Variants in LIMK2 observed in about 807,000 individuals in gnomAD.
LIMK2 encodes the protein LIM domain kinase 2.
LIMK2 carries 35 observed loss-of-function variants against 75.7 expected under a neutral mutation model. That is an observed-to-expected ratio of 0.46 (90% CI 0.35 to 0.61). The LOEUF (loss-of-function observed/expected upper bound fraction) is 0.61, where lower values mean the gene tolerates loss of function less well. LIMK2 is among the 20% of genes least tolerant of loss of function. The probability of loss-of-function intolerance (pLI) is 0.00; values close to 1 mark genes in which losing one functional copy is unlikely to be tolerated. For missense variants in LIMK2, 623 were observed against 831.0 expected, an observed-to-expected ratio of 0.75 and a Z score of 3.08; for synonymous variants, 301 against 319.2, an observed-to-expected ratio of 0.94 and a Z score of 0.61.
intron 13 of LIMK2, chr22:31,273,000 G>GT: frequency 8.4e-7 from 1 of 1,185,372 alleles, no homozygotes; most frequent in Non-Finnish European, 1.0e-6. Flanking sequence ...TCTCTCCATG[G>GT]TGAGAACTGA....
chr22:31,228,088 A>G (rs2048495303), intron 2 of LIMK2, among the ~76,000 whole-genome samples: 2 of 152,180 alleles, frequency 1.3e-5, no homozygotes. Context: ...ACACAAATAC[A>G]TAAAGAGGAA....
intron 15 of LIMK2, chr22:31,277,264 C>T (rs1601451795): frequency 6.6e-7 from 1 of 1,523,692 alleles, no homozygotes; most frequent in East Asian, 2.3e-5. Flanking sequence ...CTCCTCGTGC[C>T]CCTGGCCCAG....
At chr22:31,276,596 GAGCCGGCGAGCTAACCTGAGCC>G (rs1218998434) in intron 15 of LIMK2, among the ~76,000 whole-genome samples, 3 of 146,242 alleles carry the variant, frequency 2.1e-5, no homozygotes, top group African/African-American at 7.3e-5. Flanking sequence ...CCTCGCCGCG[GAGCCGGCGAGCTAACCTGAGCC>G]AGCCGGCGGG....
intron 2 of LIMK2, among the ~76,000 whole-genome samples, chr22:31,236,966 A>AAT (rs1194879845): frequency 3.3e-5 from 5 of 150,734 alleles, no homozygotes; most frequent in African/African-American, 1.2e-4. Context: ...AATAAAATAA[A>AAT]AAAATATGGA....
At chr22:31,237,554 CAAA>C (rs1040206766) in intron 2 of LIMK2, among the ~76,000 whole-genome samples, 7 of 103,932 alleles carry the variant, frequency 6.7e-5, no homozygotes, top group Admixed American at 1.0e-4. Context: ...GATTCCGTCT[CAAA>C]AAAAAAAAAA....
At chr22:31,258,816 G>A (rs915017887) in intron 3 of LIMK2, 4 of 413,252 alleles carry the variant, frequency 9.7e-6, no homozygotes, top group African/African-American at 4.0e-5. Context: ...CTGGACAAAC[G>A]ACTTTAAGCA....
chr22:31,238,612 G>A (rs2048599960), intron 2 of LIMK2, among the ~76,000 whole-genome samples: 1 of 152,152 alleles, frequency 6.6e-6, no homozygotes, highest in African/African-American at 2.4e-5. Flanking sequence ...CATCAGCCTT[G>A]AAGAGTTCTC....
At chr22:31,269,647 GC>G (rs2048935063) in intron 11 of LIMK2, among the ~76,000 whole-genome samples, 1 of 151,924 alleles carries the variant, frequency 6.6e-6, no homozygotes, top group Non-Finnish European at 1.5e-5. Context: ...GGTGGTGCAC[GC>G]CTGTAGTCCC....
intron 14 of LIMK2, 119 bp from the exon 15 acceptor site, chr22:31,275,031 AC>A: frequency 1.1e-6 from 1 of 932,714 alleles, no homozygotes; most frequent in Non-Finnish European, 1.7e-6. Flanking sequence ...GAGCTCTCTA[AC>A]CTATTTTACC....
At chr22:31,213,880 A>G (rs1163063602) in intron 1 of LIMK2, among the ~76,000 whole-genome samples, 1 of 150,556 alleles carries the variant, frequency 6.6e-6, no homozygotes, top group African/African-American at 2.4e-5. Context: ...CAGTGGCACA[A>G]TCTTGGCTCA....
At chr22:31,267,110 T>C (rs1165317875) in intron 9 of LIMK2, 40 bp downstream of exon 9, 17 of 1,180,202 alleles carry the variant, frequency 1.4e-5, no homozygotes, top group Non-Finnish European at 2.1e-5. Context: ...GGTGTCACCA[T>C]TGGAAGAGAG....
rs542739799 is a variant in LIMK2, at chr22:31,220,714, G to A, written c.17-5006G>A. 1.6e-4 allele frequency among the ~76,000 whole-genome samples: 24 copies of A among 152,374 alleles called. No individual in the cohort carries two copies. The South Asian group carries it at 4.8e-3, about 30-fold the overall frequency. On this transcript the variant is annotated intron_variant, in intron 1 of 15. Transcript: ENST00000331728. ...GCAGTGGCTCACGCCTGTAATCCCA[G>A]CACTTTGGGAGGCCGAGGTGGGCAG...
intron 2 of LIMK2, among the ~76,000 whole-genome samples, chr22:31,229,357 C>G (rs12484865): frequency 2.0e-5 from 3 of 152,180 alleles, no homozygotes; most frequent in Admixed American, 2.0e-4. Context: ...GACTTTTGCC[C>G]CAGTTGGAGG....
rs77638518 is a variant in LIMK2 at position 31,275,137 on chromosome 22, T to G, written c.1615-14T>G. ...CTGTAGTCCTTTGTAAACAGCTGTC[T>G]TCTTACCCTACAGATCATTGGGCAG... is the stretch of plus-strand genomic sequence containing the variant. On this transcript the variant is annotated splice_polypyrimidine_tract_variant and intron_variant, in intron 14 of 15. Transcript: ENST00000331728. 1,345 of 1,613,984 alleles carry G rather than the reference T, an allele frequency of 8.3e-4. 24 individuals carry two copies. In the East Asian group the frequency reaches 0.021, roughly 25 times the overall value.
chr22:31,231,820 C>T (rs2048531409), intron 2 of LIMK2, among the ~76,000 whole-genome samples: 1 of 152,048 alleles, frequency 6.6e-6, no homozygotes, highest in Admixed American at 6.5e-5. Flanking sequence ...AACCCTGCAA[C>T]CCCCACCTTT....
At chr22:31,258,815 C>T (rs562068369) in intron 3 of LIMK2, 22 of 411,080 alleles carry the variant, frequency 5.4e-5, no homozygotes, top group South Asian at 1.9e-4. Flanking sequence ...TCTGGACAAA[C>T]GACTTTAAGC....
At position 31,278,763 on chromosome 22, in the gene LIMK2, T is replaced by G. The variant is rs910755158; in HGVS notation, c.*322T>G. On this transcript the variant is annotated 3_prime_UTR_variant, in exon 16 of 16. Coordinates refer to ENST00000331728, the MANE Select transcript of LIMK2 (RefSeq NM_005569.4). ...CCAGGAACTCCCTGGCAGTGGATTGTGGGAGGCTCTTGCTTACACTAATCA... is the reference window on the plus strand; with the variant it reads ...CCAGGAACTCCCTGGCAGTGGATTGGGGGAGGCTCTTGCTTACACTAATCA... The G allele has an allele frequency of 4.8e-6, 1 of 207,152 alleles. No individual in the cohort carries two copies. The highest frequency in any genetic ancestry group is 2.3e-5 in the African/African-American group (1 of 43,522). The allele number at this position is 207,152 out of a possible 1,614,324, so 12.8% of individuals were successfully genotyped here. A position where few individuals can be genotyped will look rare whatever the true frequency, so the allele number is the denominator to read the frequency against.
intron 14 of LIMK2, 90 bp downstream of exon 14, chr22:31,273,597 C>T (rs1021978963): frequency 1.0e-6 from 1 of 983,640 alleles, no homozygotes; most frequent in African/African-American, 1.6e-5. Flanking sequence ...CTAGGGATGA[C>T]TAGCTTGACT....
At chr22:31,225,611 A>T in intron 1 of LIMK2, 109 bp from the exon 2 acceptor site, 1 of 783,498 alleles carries the variant, frequency 1.3e-6, no homozygotes, top group Non-Finnish European at 2.2e-6. Context: ...CATTGGCCTA[A>T]CCCTTTCAAA....
Sources: allele counts gnomAD v4.1 joint callset (sites outside exome capture counted in the v4.1 genomes callset), GRCh38; gene constraint gnomAD v4.1.1; transcripts MANE v1.5; gene names NCBI Gene and HGNC (gene_info 2026-07-23, HGNC 2026-07-21).